Variants in MEGF8 observed in about 807,000 individuals in gnomAD.
MEGF8 encodes the protein multiple EGF like domains 8, also known as multiple epidermal growth factor-like domains protein 8.
Under a neutral mutation model 302.9 loss-of-function variants are expected in MEGF8, and 156 were observed. The observed-to-expected ratio is 0.52, with a 90% CI of 0.45 to 0.59. MEGF8 has a LOEUF of 0.59. Among genes scored for constraint, MEGF8 ranks in the 20% least tolerant of loss-of-function variants. MEGF8 has a pLI of 0.00. For missense variants in MEGF8, 3,345 were observed against 3,964.5 expected (o/e 0.84, Z 4.20); for synonymous variants, 1,621 against 1,660.5 (o/e 0.98, Z 0.58).
chr19:42,376,821 C>T lies in MEGF8; in HGVS notation c.*46C>T. 7.1e-7 allele frequency: 1 copy of T among 1,413,842 alleles called. No homozygotes were observed. The highest frequency in any genetic ancestry group is 9.2e-7 in the Non-Finnish European group (1 of 1,087,874). 87.6% of individuals were successfully genotyped at this position (1,413,842 alleles called of 1,614,324 possible). A position where few individuals can be genotyped will look rare whatever the true frequency, so the allele number is the denominator to read the frequency against. ...ACAGCAGCTGGGTCACCTGATAGGG[C>T]CGCCCTGGACTTGGGGTCCCTCCAC... On this transcript the variant is annotated 3_prime_UTR_variant, in exon 42 of 42. Coordinates refer to ENST00000251268, the MANE Select transcript of MEGF8 (RefSeq NM_001271938.2). This position sits in a 1 kb window ranked among gnomAD's most constrained non-coding sequence, Gnocchi z 8.2.
chr19:42,349,304 A>G (rs1360603588), intron 13 of MEGF8, among the ~76,000 whole-genome samples, 195 bp from the exon 14 acceptor site: 2 of 133,378 alleles, frequency 1.5e-5, no homozygotes, highest in African/African-American at 7.4e-5. Flanking sequence ...TGTCTCAAGA[A>G]AAAAAAAAAA....
At chr19:42,337,358 G>A (rs1337233707) in intron 8 of MEGF8, among the ~76,000 whole-genome samples, 152 bp downstream of exon 8, 1 of 152,176 alleles carries the variant, frequency 6.6e-6, no homozygotes, top group African/African-American at 2.4e-5. Flanking sequence ...GATGGAGATG[G>A]GACTAGGGCA....
rs1568570570 is a variant in MEGF8 at position 42,358,380 on chromosome 19, G to A, written c.5175+73G>A. The A allele has an allele frequency of 4.1e-6, 6 of 1,478,090 alleles. No homozygotes were observed. In the East Asian group the frequency reaches 1.5e-4, roughly 38 times the overall value. The allele number at this position is 1,478,090 out of a possible 1,614,324, so 91.6% of individuals were successfully genotyped here. ...GGGTCCTCTTTCCCAGTGCCCCAGG[G>A]ACTGGCTCCATCCCAGATTCCTGCT... On this transcript the variant is annotated intron_variant, in intron 29 of 41. Coordinates refer to ENST00000251268, the MANE Select transcript of MEGF8 (RefSeq NM_001271938.2). This position sits in a 1 kb window ranked among gnomAD's most constrained non-coding sequence, Gnocchi z 4.4.
intron 8 of MEGF8, among the ~76,000 whole-genome samples, chr19:42,339,822 G>A (rs542452374): frequency 1.5e-4 from 23 of 152,176 alleles, no homozygotes; most frequent in Non-Finnish European, 2.5e-4. Context: ...ACTTTAGGAC[G>A]CCATGGCGGG....
rs780011693 is a variant in MEGF8 at position 42,370,842 on chromosome 19, CCGGGGGGGGGGGGGG to C, written c.7136+12_7136+26del. On this transcript the variant is annotated intron_variant, in intron 40 of 41. Transcript: ENST00000251268. ...CGGGAAGTGCACCAAGTAAGAGGAA[CCGGGGGGGGGGGGGG>C]GGGGGGGGGGGGGGGAGGCCGGGGA... 51 of 119,556 alleles carry C rather than the reference CCGGGGGGGGGGGGGG, an allele frequency of 4.3e-4. 2 individuals are homozygous for C. The highest frequency in any genetic ancestry group is 1.6e-3 in the South Asian group (6 of 3,820). 7.4% of individuals were successfully genotyped at this position (119,556 alleles called of 1,614,324 possible).
At chr19:42,330,253 T>A (rs369585481) in intron 1 of MEGF8, among the ~76,000 whole-genome samples, 2 of 152,174 alleles carry the variant, frequency 1.3e-5, no homozygotes, top group South Asian at 2.1e-4. Context: ...TCCTCATGGA[T>A]AAGAGGCATC....
At chr19:42,360,375 T>C (rs962268520) in intron 31 of MEGF8, among the ~76,000 whole-genome samples, 24 of 150,662 alleles carry the variant, frequency 1.6e-4, no homozygotes, top group Admixed American at 1.3e-3. Context: ...AGACATGGTC[T>C]TGTTCTGTTG....
Position 42,344,446 on chromosome 19 carries a change from AGCCGCCAGCTGCCTGGGCCTGG to A in MEGF8, c.1801_1822del (p.Cys602TrpfsTer102). 1 of 1,589,884 alleles carries A rather than the reference AGCCGCCAGCTGCCTGGGCCTGG, an allele frequency of 6.3e-7. No homozygotes were observed. Among genetic ancestry groups the A allele is most frequent in the Non-Finnish European group, 8.5e-7 (1 of 1,174,950 alleles). On this transcript the variant is annotated frameshift_variant, in exon 11 of 42. Coordinates refer to ENST00000251268, the MANE Select transcript of MEGF8 (RefSeq NM_001271938.2). LOFTEE classifies it high-confidence loss of function. The surrounding 1 kb of genome is among the most constrained non-coding windows in gnomAD (Gnocchi z 4.5). ...TTCCCCTCTCCTCCTCGCAGTGTCC[AGCCGCCAGCTGCCTGGGCCTGG>A]GCCGCCTCCTGGGTGACTGCCAGGC...
At chr19:42,346,313 G>C (rs545143259) in intron 12 of MEGF8, among the ~76,000 whole-genome samples, 6 of 149,664 alleles carry the variant, frequency 4.0e-5, no homozygotes, top group Non-Finnish European at 7.4e-5. Flanking sequence ...CGGCCGAGGT[G>C]GGCGGATCTC....
intron 30 of MEGF8, 72 bp downstream of exon 30, chr19:42,359,026 G>A: frequency 1.9e-6 from 3 of 1,554,590 alleles, no homozygotes; most frequent in East Asian, 2.3e-5. Flanking sequence ...AGGGGTGGCT[G>A]GAGGGCTAAG....
At chr19:42,335,838 T>G in intron 5 of MEGF8, 93 bp from the exon 6 acceptor site, 2 of 1,227,150 alleles carry the variant, frequency 1.6e-6, no homozygotes, top group Non-Finnish European at 2.2e-6. Context: ...TCGCCTTCTC[T>G]CCATGTTTCT....
rs1273720595 is a variant in MEGF8 at position 42,333,592 on chromosome 19, G to T, written c.188-13G>T. 6 of 1,611,648 alleles carry T rather than the reference G, an allele frequency of 3.7e-6. No homozygotes were observed. Among genetic ancestry groups the T allele is most frequent in the Non-Finnish European group, 5.1e-6 (6 of 1,178,488 alleles). On this transcript the variant is annotated splice_polypyrimidine_tract_variant and intron_variant, in intron 1 of 41. Coordinates refer to ENST00000251268, the MANE Select transcript of MEGF8 (RefSeq NM_001271938.2). ...CCGCTTTAGAGCTTGGTCCCTCTGT[G>T]CTCACCTCCCAGCCCCAAGCCCCCA...
At position 42,335,186 on chromosome 19, in the gene MEGF8, C is replaced by T. The variant is rs756322438; in HGVS notation, c.710C>T (p.Ser237Phe). 6.2e-7 allele frequency: 1 copy of T among 1,613,986 alleles called. No individual in the cohort carries two copies. The highest frequency in any genetic ancestry group is 8.5e-7 in the Non-Finnish European group (1 of 1,179,874). Reference sequence around the variant, plus strand: ...ATTGGGGCAGCTGGCGCCTTCCTGTCCCCACCAGGGCTGCTGGCAGTTTTC... The same window carrying T: ...ATTGGGGCAGCTGGCGCCTTCCTGTTCCCACCAGGGCTGCTGGCAGTTTTC... ...ARIGAAGAFL[S>F]PPGLLAVFGG... The change falls in exon 4 of 42, where the codon TCC becomes TTC. Residue 237 changes from serine (S) to phenylalanine (F), a missense_variant. Coordinates refer to ENST00000251268, the MANE Select transcript of MEGF8 (RefSeq NM_001271938.2).
intron 12 of MEGF8, among the ~76,000 whole-genome samples, chr19:42,346,611 A>C (rs10426284): frequency 0.015 from 2,312 of 152,156 alleles, 60 homozygotes; most frequent in African/African-American, 0.051. Flanking sequence ...TGGGAGGCAG[A>C]GGTTACAGTG....
chr19:42,374,026 A>G (rs931792823), intron 41 of MEGF8, among the ~76,000 whole-genome samples: 1 of 152,152 alleles, frequency 6.6e-6, no homozygotes, highest in Non-Finnish European at 1.5e-5. Flanking sequence ...CTTGGTTCTA[A>G]TAGTGATTGC....
intron 12 of MEGF8, among the ~76,000 whole-genome samples, chr19:42,346,145 C>A (rs2039286041): frequency 6.6e-6 from 1 of 152,198 alleles, no homozygotes; most frequent in Non-Finnish European, 1.5e-5. Flanking sequence ...CATGATCTGC[C>A]TGCCTCAGCC....
intron 8 of MEGF8, among the ~76,000 whole-genome samples, chr19:42,338,368 T>C (rs2039161838): frequency 3.3e-5 from 5 of 152,140 alleles, no homozygotes. Flanking sequence ...GCCTCCTAAG[T>C]AGCTGGGAGT....
intron 41 of MEGF8, among the ~76,000 whole-genome samples, chr19:42,373,967 C>T (rs2039729967): frequency 6.6e-6 from 1 of 152,158 alleles, no homozygotes; most frequent in South Asian, 2.1e-4. Context: ...CCTGCCTCAG[C>T]CTCCTGAAGC....
chr19:42,373,360 G>A (rs577755583), intron 41 of MEGF8, among the ~76,000 whole-genome samples: 2 of 152,050 alleles, frequency 1.3e-5, no homozygotes, highest in East Asian at 1.9e-4. Context: ...CAGAGTGCTG[G>A]GATCACAGGC....
Sources: allele counts gnomAD v4.1 joint callset (sites outside exome capture counted in the v4.1 genomes callset), GRCh38; gene constraint gnomAD v4.1.1; non-coding constraint Gnocchi (gnomAD v3.1); transcripts MANE v1.5; gene names NCBI Gene and HGNC (gene_info 2026-07-23, HGNC 2026-07-21).